The following CCSER1 variants were observed in gnomAD, a reference collection of about 807,000 sequenced individuals.
CCSER1 encodes serine-rich coiled-coil domain-containing protein 1.
Under a neutral mutation model 82.0 loss-of-function variants are expected in CCSER1, and 41 were observed. That is an observed-to-expected ratio of 0.50 (90% CI 0.39 to 0.65). CCSER1 has a LOEUF of 0.65. CCSER1 is among the 30% of genes least tolerant of loss of function. The pLI is 0.00. For synonymous variants in CCSER1, 414 were observed against 383.9 expected, an observed-to-expected ratio of 1.08 and a Z score of -0.92; for missense variants, 1,119 against 1,064.2, an observed-to-expected ratio of 1.05 and a Z score of -0.72.
intron 10 of CCSER1, among the ~76,000 whole-genome samples, chr4:91,508,357 T>G (rs1759638984): frequency 6.6e-6 from 1 of 151,856 alleles, no homozygotes; most frequent in Non-Finnish European, 1.5e-5. Flanking sequence ...TCTATTGAGA[T>G]GATCATGTGG....
At chr4:91,274,412 A>G (rs1742266463) in intron 10 of CCSER1, among the ~76,000 whole-genome samples, 1 of 152,128 alleles carries the variant, frequency 6.6e-6, no homozygotes, top group Admixed American at 6.5e-5. Context: ...GCTATTGAAC[A>G]TTAGGGCTTA....
At chr4:90,286,988 T>C (rs1730021740) in intron 1 of CCSER1, among the ~76,000 whole-genome samples, 1 of 151,926 alleles carries the variant, frequency 6.6e-6, no homozygotes. Context: ...ATTAGACACA[T>C]TTGCCTCAGG....
chr4:90,716,507 A>G (rs1741665111), intron 6 of CCSER1, among the ~76,000 whole-genome samples: 1 of 152,204 alleles, frequency 6.6e-6, no homozygotes, highest in South Asian at 2.1e-4. Context: ...TAAATTTTAG[A>G]TTTTATAACT....
At chr4:90,703,948 C>G (rs528257345) in intron 6 of CCSER1, among the ~76,000 whole-genome samples, 1 of 152,030 alleles carries the variant, frequency 6.6e-6, no homozygotes, top group African/African-American at 2.4e-5. Context: ...CTGTGTCTTT[C>G]AATTGGAGCA....
At chr4:90,463,660 C>CT (rs1054348610) in intron 4 of CCSER1, among the ~76,000 whole-genome samples, 10 of 150,970 alleles carry the variant, frequency 6.6e-5, no homozygotes, top group East Asian at 1.9e-4. Context: ...AAAGCAAATT[C>CT]TTTTTTTTTA....
intron 9 of CCSER1, among the ~76,000 whole-genome samples, chr4:90,935,237 A>G (rs1233392988): frequency 6.6e-6 from 1 of 152,002 alleles, no homozygotes; most frequent in Non-Finnish European, 1.5e-5. Context: ...TTGGATCATG[A>G]GAGAGATCTT....
In CCSER1 at chr4:90,475,050, G is replaced by GCA. The variant is rs138924421; in HGVS notation, c.1724+6711_1724+6712dup. ...ATCAGTTGAACTATAAGTGTAACATGCACACACACACACACATAAATGCAC... is the reference window on the plus strand; with the variant it reads ...ATCAGTTGAACTATAAGTGTAACATGCACACACACACACACACATAAATGCAC... On this transcript the variant is annotated intron_variant, in intron 5 of 10. Coordinates refer to ENST00000509176, the MANE Select transcript of CCSER1 (RefSeq NM_001145065.2). 2.3e-3 allele frequency among the ~76,000 whole-genome samples: 345 copies of GCA among 150,744 alleles called. 1 individual carries two copies. The highest frequency in any genetic ancestry group is 0.013 in the South Asian group (63 of 4,754).
chr4:90,286,328 A>G (rs972929733), intron 1 of CCSER1, among the ~76,000 whole-genome samples: 2 of 151,940 alleles, frequency 1.3e-5, no homozygotes, highest in African/African-American at 4.8e-5. Flanking sequence ...TATTGTATAC[A>G]TTTTAGAAAT....
At chr4:91,109,310 G>A (rs1175382507) in intron 10 of CCSER1, among the ~76,000 whole-genome samples, 2 of 152,018 alleles carry the variant, frequency 1.3e-5, no homozygotes, top group South Asian at 2.1e-4. Context: ...ATTGATTGAT[G>A]TATCAATCTA....
intron 9 of CCSER1, among the ~76,000 whole-genome samples, chr4:91,044,087 G>C (rs1742227413): frequency 6.6e-6 from 1 of 151,988 alleles, no homozygotes; most frequent in African/African-American, 2.4e-5. Context: ...GTGAAATGAA[G>C]GATAAAACAA....
intron 7 of CCSER1, among the ~76,000 whole-genome samples, chr4:90,793,812 T>C (rs1755606171): frequency 6.6e-6 from 1 of 152,208 alleles, no homozygotes; most frequent in Admixed American, 6.5e-5. Flanking sequence ...TCGTGTCCTC[T>C]GCAACTTTGC....
chr4:90,411,492 C>T (rs1437326911), intron 4 of CCSER1, among the ~76,000 whole-genome samples: 1 of 152,152 alleles, frequency 6.6e-6, no homozygotes, highest in African/African-American at 2.4e-5. Context: ...TAAACGTAAT[C>T]CAGCATATAA....
intron 10 of CCSER1, among the ~76,000 whole-genome samples, chr4:91,429,241 A>G (rs973624417): frequency 2.0e-5 from 3 of 151,952 alleles, no homozygotes; most frequent in Non-Finnish European, 2.9e-5. Context: ...TTTCAGAGAC[A>G]TAATTTCAGA....
At chr4:91,465,858 T>C (rs978281677) in intron 10 of CCSER1, among the ~76,000 whole-genome samples, 8 of 152,260 alleles carry the variant, frequency 5.3e-5, no homozygotes, top group African/African-American at 1.7e-4. Context: ...TAGGCAATAA[T>C]TAAGAGCCTA....
chr4:90,626,995 G>T (rs1470456947), intron 5 of CCSER1, among the ~76,000 whole-genome samples: 1 of 152,118 alleles, frequency 6.6e-6, no homozygotes, highest in African/African-American at 2.4e-5. Context: ...ACCTCTTGAA[G>T]TTGTTCAAAG....
intron 4 of CCSER1, among the ~76,000 whole-genome samples, chr4:90,404,438 C>T (rs756948979): frequency 5.3e-5 from 8 of 152,102 alleles, no homozygotes; most frequent in Non-Finnish European, 1.0e-4. Flanking sequence ...TGGCCCTTCC[C>T]ACGGCCTGAG....
chr4:91,358,823 G>A (rs555196324), intron 10 of CCSER1, among the ~76,000 whole-genome samples: 29 of 152,190 alleles, frequency 1.9e-4, no homozygotes, highest in South Asian at 8.3e-4. Context: ...ACCCGGGAGC[G>A]CTCTTTGGAT....
intron 10 of CCSER1, among the ~76,000 whole-genome samples, chr4:91,483,307 G>C (rs1259247674): frequency 6.6e-6 from 1 of 152,170 alleles, no homozygotes; most frequent in Non-Finnish European, 1.5e-5. Context: ...CAATGTAATG[G>C]TCTGAGGTCA....
intron 9 of CCSER1, among the ~76,000 whole-genome samples, chr4:90,955,419 G>A (rs538982840): frequency 6.6e-6 from 1 of 152,162 alleles, no homozygotes; most frequent in South Asian, 2.1e-4. Context: ...GGACCAATGA[G>A]TATAAATATC....
Sources: gnomAD v4.1 joint callset for allele counts (sites outside exome capture counted in the v4.1 genomes callset) on GRCh38, gnomAD v4.1.1 for gene constraint, MANE v1.5 for transcripts, NCBI Gene and HGNC (gene_info 2026-07-23, HGNC 2026-07-21) for gene names.